The following BRAF variants were observed in gnomAD, a reference collection of about 807,000 sequenced individuals.
BRAF encodes the protein B-Raf proto-oncogene, serine/threonine kinase, also known as serine/threonine-protein kinase B-raf.
In BRAF, 16 loss-of-function variants were observed where a neutral mutation model predicts 104.6. That is an observed-to-expected ratio of 0.15 (90% confidence interval 0.10 to 0.23). The LOEUF is 0.23. Ranked by LOEUF, BRAF falls within the 10% of genes least tolerant of loss-of-function variation. The pLI is 1.00. For missense variants in BRAF, 541 were observed against 937.3 expected, an observed-to-expected ratio of 0.58 and a Z score of 5.52; for synonymous variants, 310 against 341.6, an observed-to-expected ratio of 0.91 and a Z score of 1.02.
At chr7:140,825,094 C>G (rs377735320) in intron 3 of BRAF, among the ~76,000 whole-genome samples, 1 of 151,706 alleles carries the variant, frequency 6.6e-6, no homozygotes, top group Non-Finnish European at 1.5e-5. Flanking sequence ...CTCAGCCTCC[C>G]GAGCAGCTGG....
At chr7:140,769,724 TA>T (rs1562951019) in intron 14 of BRAF, among the ~76,000 whole-genome samples, 1 of 152,256 alleles carries the variant, frequency 6.6e-6, no homozygotes, top group East Asian at 1.9e-4. Context: ...TTTCTTTTTT[TA>T]AAAAAATGTC....
At chr7:140,753,243 T>G in intron 16 of BRAF, 32 bp downstream of exon 15, 1 of 1,543,368 alleles carries the variant, frequency 6.5e-7, no homozygotes, top group Non-Finnish European at 8.9e-7. Context: ...GGCCAAAAAT[T>G]TAATCAGTGG....
At chr7:140,800,143 T>C (rs1802933267) in intron 7 of BRAF, 5 of 669,770 alleles carry the variant, frequency 7.5e-6, no homozygotes, top group Non-Finnish European at 9.8e-6. Context: ...ATACCCAATA[T>C]TGATTTTTTC....
intron 1 of BRAF, among the ~76,000 whole-genome samples, chr7:140,898,318 A>T (rs1815193997): frequency 6.6e-6 from 1 of 152,138 alleles, no homozygotes; most frequent in Non-Finnish European, 1.5e-5. Flanking sequence ...GCCTCTTAAA[A>T]AAGAAATAAA....
At chr7:140,809,530 T>C (rs1211818767) in intron 3 of BRAF, among the ~76,000 whole-genome samples, 1 of 152,198 alleles carries the variant, frequency 6.6e-6, no homozygotes, top group Admixed American at 6.5e-5. Context: ...GAAATCCACA[T>C]GGTACTAGAA....
intron 1 of BRAF, among the ~76,000 whole-genome samples, chr7:140,891,334 A>C (rs556273950): frequency 8.9e-4 from 135 of 152,296 alleles, no homozygotes; most frequent in African/African-American, 2.9e-3. Flanking sequence ...TCTACCCTAC[A>C]ACACCATGAT....
At chr7:140,919,136 G>A (rs1817937711) in intron 1 of BRAF, among the ~76,000 whole-genome samples, 1 of 136,874 alleles carries the variant, frequency 7.3e-6, no homozygotes, top group African/African-American at 2.9e-5. Flanking sequence ...GACAGAGCGA[G>A]ACTCCGTCTC....
chr7:140,725,586 C>G lies in BRAF; in HGVS notation c.*908G>C. 2.0e-5 allele frequency: 21 copies of G among 1,057,024 alleles called. No homozygotes were observed. Among genetic ancestry groups the G allele is most frequent in the Non-Finnish European group, 2.4e-5 (21 of 874,160 alleles). 65.5% of individuals were successfully genotyped at this position (1,057,024 alleles called of 1,614,324 possible). The stretch of plus-strand genomic sequence containing the variant: ...AGTTTTGTGGGGGTTTAGTTAGATA[C>G]TGCCACGGCATTTTGTGCCCTGGAC... On this transcript the variant is annotated 3_prime_UTR_variant, in exon 20 of 20. Transcript: ENST00000644969.
At chr7:140,853,180 G>A (rs73494540) in intron 1 of BRAF, among the ~76,000 whole-genome samples, 11,612 of 151,270 alleles carry the variant, frequency 0.077, 1,461 homozygotes, top group African/African-American at 0.27. Flanking sequence ...AGGCTGAGAC[G>A]GGAGGATCGC....
At chr7:140,773,754 A>G (rs1800064662) in intron 14 of BRAF, among the ~76,000 whole-genome samples, 1 of 152,200 alleles carries the variant, frequency 6.6e-6, no homozygotes, top group Non-Finnish European at 1.5e-5. Flanking sequence ...CTGAGAATTG[A>G]GGATTCTACG....
chr7:140,862,760 T>C (rs1810555878), intron 1 of BRAF, among the ~76,000 whole-genome samples: 1 of 152,164 alleles, frequency 6.6e-6, no homozygotes, highest in African/African-American at 2.4e-5. Flanking sequence ...ATCCAGGGGT[T>C]TCATTTTTGA....
chr7:140,921,959 C>T (rs1187309976), intron 1 of BRAF, among the ~76,000 whole-genome samples: 1 of 152,142 alleles, frequency 6.6e-6, no homozygotes, highest in Non-Finnish European at 1.5e-5. Context: ...AAGACCACAG[C>T]ACATTTCAGT....
chr7:140,922,353 C>T (rs534395411), intron 1 of BRAF, among the ~76,000 whole-genome samples: 9 of 152,244 alleles, frequency 5.9e-5, no homozygotes, highest in Admixed American at 5.9e-4. Context: ...AATCCATGGC[C>T]CTCGCTCTCA....
At chr7:140,716,973 G>A (rs1000505131), downstream of BRAF, among the ~76,000 whole-genome samples, 21 of 152,186 alleles carry the variant, frequency 1.4e-4, no homozygotes, top group Admixed American at 9.2e-4. Context: ...CTGAGGTGGC[G>A]TGTGGACCTG....
intron 1 of BRAF, among the ~76,000 whole-genome samples, chr7:140,863,550 G>C (rs1810629777): frequency 1.3e-5 from 2 of 152,180 alleles, no homozygotes; most frequent in African/African-American, 4.8e-5. Flanking sequence ...GATATGGTTT[G>C]AATCTGTGTC....
intron 16 of BRAF, among the ~76,000 whole-genome samples, chr7:140,750,594 G>A (rs970789486): frequency 6.6e-6 from 1 of 152,232 alleles, no homozygotes; most frequent in African/African-American, 2.4e-5. Context: ...GGATGGAAGT[G>A]AAGGAGAAGG....
At chr7:140,913,432 A>C (rs1345994480) in intron 1 of BRAF, among the ~76,000 whole-genome samples, 1 of 131,584 alleles carries the variant, frequency 7.6e-6, no homozygotes, top group Admixed American at 7.9e-5. Flanking sequence ...TCACCAATGT[A>C]GTTTTGGATG....
chr7:140,855,326 G>A (rs1471319774), intron 1 of BRAF, among the ~76,000 whole-genome samples: 1 of 152,052 alleles, frequency 6.6e-6, no homozygotes, highest in Non-Finnish European at 1.5e-5. Context: ...CTTCAAGAAA[G>A]TTACTAAAAG....
intron 1 of BRAF, among the ~76,000 whole-genome samples, chr7:140,868,198 G>A (rs1386803400): frequency 1.3e-5 from 2 of 152,162 alleles, no homozygotes; most frequent in Admixed American, 1.3e-4. Flanking sequence ...ACTATGCTTT[G>A]GAGTGGCTTT....
Sources: allele counts gnomAD v4.1 joint callset (sites outside exome capture counted in the v4.1 genomes callset), GRCh38; gene constraint gnomAD v4.1.1; transcripts MANE v1.5; gene names NCBI Gene and HGNC (gene_info 2026-07-23, HGNC 2026-07-21).